DCC: variants seen among roughly 807,000 people sequenced by gnomAD.
The protein encoded by DCC is DCC netrin 1 receptor.
A neutral mutation model predicts 172.5 loss-of-function variants in DCC; 58 were observed. The observed-to-expected ratio is 0.34, with a 90% CI of 0.27 to 0.42. DCC has a LOEUF of 0.42. Among genes scored for constraint, DCC ranks in the 10% least tolerant of loss-of-function variants. The pLI, the probability that DCC is intolerant of heterozygous loss-of-function variation, is 1.00. For synonymous variants in DCC, 709 were observed against 644.5 expected (o/e 1.10, Z -1.52); for missense variants, 1,740 against 1,791.0 (o/e 0.97, Z 0.51).
intron 1 of DCC, among the ~76,000 whole-genome samples, chr18:52,497,413 A>G (rs1234004318): frequency 6.7e-6 from 1 of 150,106 alleles, no homozygotes; most frequent in Non-Finnish European, 1.5e-5. Flanking sequence ...GTATATATGT[A>G]TACACACATA....
At chr18:53,011,230 T>C (rs1439812242) in intron 5 of DCC, among the ~76,000 whole-genome samples, 1 of 151,682 alleles carries the variant, frequency 6.6e-6, no homozygotes, top group East Asian at 1.9e-4. Context: ...GCAGCTAATA[T>C]ACTCAAAGAT....
chr18:53,486,743 T>C (rs1277555447), intron 25 of DCC, 54 bp from the exon 26 acceptor site: 3 of 1,612,980 alleles, frequency 1.9e-6, no homozygotes, highest in East Asian at 2.2e-5. Flanking sequence ...TCTTTTTTGC[T>C]TGTTGAGTGA....
chr18:53,356,525 G>A (rs769055305), intron 15 of DCC, among the ~76,000 whole-genome samples: 1 of 152,132 alleles, frequency 6.6e-6, no homozygotes, highest in Non-Finnish European at 1.5e-5. Context: ...GAGTACTGGG[G>A]ATAGTTTGTG....
At chr18:52,775,957 C>G (rs748462555) in intron 2 of DCC, among the ~76,000 whole-genome samples, 1 of 152,208 alleles carries the variant, frequency 6.6e-6, no homozygotes, top group Non-Finnish European at 1.5e-5. Flanking sequence ...CTTCCCAGCA[C>G]TCCTGTATCA....
intron 1 of DCC, among the ~76,000 whole-genome samples, chr18:52,480,801 A>G (rs979333963): frequency 1.3e-5 from 2 of 152,152 alleles, no homozygotes; most frequent in Non-Finnish European, 1.5e-5. Context: ...CCTGTCATCC[A>G]AATTAGCCAA....
intron 1 of DCC, among the ~76,000 whole-genome samples, chr18:52,654,414 C>T (rs765991647): frequency 6.6e-6 from 1 of 152,140 alleles, no homozygotes; most frequent in Non-Finnish European, 1.5e-5. Context: ...GCTGCTATAA[C>T]AATACCACAG....
intron 7 of DCC, among the ~76,000 whole-genome samples, chr18:53,109,466 T>C (rs1443094364): frequency 6.6e-6 from 1 of 151,632 alleles, no homozygotes; most frequent in African/African-American, 2.4e-5. Context: ...GCCTTGCCAA[T>C]CTTGTATTAG....
At chr18:52,698,675 T>C (rs1278613621) in intron 1 of DCC, among the ~76,000 whole-genome samples, 2 of 151,794 alleles carry the variant, frequency 1.3e-5, no homozygotes, top group Non-Finnish European at 2.9e-5. Flanking sequence ...CTCTGCTCAC[T>C]GCAACCTCCA....
At chr18:52,354,684 T>C (rs147610221) in intron 1 of DCC, among the ~76,000 whole-genome samples, 1,825 of 152,302 alleles carry the variant, frequency 0.012, 38 homozygotes, top group African/African-American at 0.041. Flanking sequence ...ACCAAATTGG[T>C]TTTTATATAA....
At position 52,500,342 on chromosome 18, in the gene DCC, T is replaced by C. The variant is rs2030970857; in HGVS notation, c.91+159464T>C. On this transcript the variant is annotated intron_variant, in intron 1 of 28. Transcript: ENST00000442544. Reference sequence around the variant, plus strand: ...TGAACAGAAACACTTTGAGCAGAGCTGTTGATTAGCATCCTGAAAGAGTGA... The same window carrying C: ...TGAACAGAAACACTTTGAGCAGAGCCGTTGATTAGCATCCTGAAAGAGTGA... Among the ~76,000 whole-genome samples, 3 of 152,302 alleles carry C rather than the reference T, an allele frequency of 2.0e-5. No individual in the cohort carries two copies. The South Asian group carries it at 6.2e-4, about 32-fold the overall frequency.
chr18:53,272,101 T>A (rs1462155687), intron 12 of DCC, among the ~76,000 whole-genome samples: 1 of 152,074 alleles, frequency 6.6e-6, no homozygotes, highest in Non-Finnish European at 1.5e-5. Context: ...ACTTAGTATT[T>A]TGGCAGAACT....
intron 12 of DCC, among the ~76,000 whole-genome samples, chr18:53,296,931 C>T (rs1271768816): frequency 6.6e-6 from 1 of 152,100 alleles, no homozygotes; most frequent in Non-Finnish European, 1.5e-5. Flanking sequence ...TAGATAAAAC[C>T]ATCTTTTTTA....
At chr18:52,910,017 G>A (rs1019916308) in intron 3 of DCC, among the ~76,000 whole-genome samples, 1 of 152,122 alleles carries the variant, frequency 6.6e-6, no homozygotes, top group African/African-American at 2.4e-5. Flanking sequence ...CTGTTTGACT[G>A]GCTCATAGGC....
At chr18:52,925,409 T>C (rs1056934858) in intron 5 of DCC, 39 bp downstream of exon 5, 1 of 1,593,694 alleles carries the variant, frequency 6.3e-7, no homozygotes, top group Non-Finnish European at 8.6e-7. Context: ...ATTGTACCTT[T>C]CAAAGTATAT....
chr18:52,525,108 G>C (rs144039532), intron 1 of DCC, among the ~76,000 whole-genome samples: 2 of 151,228 alleles, frequency 1.3e-5, no homozygotes, highest in African/African-American at 4.9e-5. Flanking sequence ...CCATTCTCTC[G>C]TATTTAGGAG....
chr18:52,868,656 G>T (rs540668181), intron 2 of DCC, among the ~76,000 whole-genome samples: 12 of 152,316 alleles, frequency 7.9e-5, no homozygotes, highest in African/African-American at 2.9e-4. Flanking sequence ...TGACTGTGAA[G>T]CTCTGTGGCC....
intron 1 of DCC, among the ~76,000 whole-genome samples, chr18:52,616,313 G>T (rs555575895): frequency 6.6e-6 from 1 of 151,830 alleles, no homozygotes; most frequent in African/African-American, 2.4e-5. Flanking sequence ...TGAGATCTCC[G>T]TTTTGGTTAG....
At chr18:53,144,314 G>A (rs7238685) in intron 7 of DCC, among the ~76,000 whole-genome samples, 34,307 of 151,922 alleles carry the variant, frequency 0.23, 4,862 homozygotes, top group African/African-American at 0.41. Context: ...CCATTTCAAT[G>A]GTGTATTAGT....
rs991011844 is a variant in DCC, at chr18:53,515,833, A to T, written c.4112-10784A>T. 1.4e-4 allele frequency among the ~76,000 whole-genome samples: 21 copies of T among 152,162 alleles called. No individual in the cohort carries two copies. In the South Asian group the frequency reaches 4.1e-3, roughly 30 times the overall value. On this transcript the variant is annotated intron_variant, in intron 27 of 28. Transcript: ENST00000442544. ...ACAAATGGAAGAACATTCCATGCTCATGGGTAGGAAGAATCAATATCGTCA... is the reference window on the plus strand; with the variant it reads ...ACAAATGGAAGAACATTCCATGCTCTTGGGTAGGAAGAATCAATATCGTCA...
Sources: allele counts gnomAD v4.1 joint callset (sites outside exome capture counted in the v4.1 genomes callset), GRCh38; gene constraint gnomAD v4.1.1; transcripts MANE v1.5; gene names NCBI Gene and HGNC (gene_info 2026-07-23, HGNC 2026-07-21).